The following LYPD6 variants were observed in gnomAD, a reference collection of about 807,000 sequenced individuals.
LYPD6 encodes LY6/PLAUR domain containing 6.
Under a neutral mutation model 22.7 loss-of-function variants are expected in LYPD6, and 15 were observed. That is an observed-to-expected ratio of 0.66 (90% CI 0.44 to 1.02). The LOEUF (loss-of-function observed/expected upper bound fraction) is 1.02. Ranked by LOEUF, LYPD6 falls within the 50% of genes least tolerant of loss-of-function variation. The pLI is 0.00. For synonymous variants in LYPD6, 72 were observed against 77.5 expected (o/e 0.93, Z 0.37); for missense variants, 189 against 208.4 (o/e 0.91, Z 0.57).
chr2:149,477,419 TC>T, downstream of LYPD6, among the ~76,000 whole-genome samples: 1 of 152,098 alleles, frequency 6.6e-6, no homozygotes, highest in East Asian at 1.9e-4. Context: ...GGTCAGGAGT[TC>T]GAGACCAGCC....
intron 1 of LYPD6, among the ~76,000 whole-genome samples, chr2:149,414,421 A>G (rs1157774714): frequency 2.0e-5 from 3 of 152,236 alleles, no homozygotes; most frequent in African/African-American, 7.2e-5. Context: ...CTAAAAAAAT[A>G]GTATTTTTAA....
At chr2:149,446,276 T>C (rs1683685354) in intron 2 of LYPD6, among the ~76,000 whole-genome samples, 1 of 152,210 alleles carries the variant, frequency 6.6e-6, no homozygotes. Flanking sequence ...TTTGACATAT[T>C]GCAAGCATTC....
rs566496103 is a variant in LYPD6 at position 149,384,583 on chromosome 2, T to C, written c.-71-53055T>C. Among the ~76,000 whole-genome samples, 44 of 152,306 alleles carry C rather than the reference T, an allele frequency of 2.9e-4. 2 individuals carry two copies. The South Asian group carries it at 9.1e-3, about 32-fold the overall frequency. On this transcript the variant is annotated intron_variant, in intron 1 of 4. Transcript: ENST00000334166. ...GCCTACCACAGAGGTGTGCTCGTGT[T>C]GGCACTATAGCTGTTAACAGTACCA...
intron 1 of LYPD6, among the ~76,000 whole-genome samples, chr2:149,341,817 G>A (rs1439741583): frequency 6.6e-6 from 1 of 152,094 alleles, no homozygotes; most frequent in Non-Finnish European, 1.5e-5. Flanking sequence ...CTTCTATAAG[G>A]CCCTAATCCC....
chr2:149,475,628 C>T (rs1681437759), downstream of LYPD6, among the ~76,000 whole-genome samples: 1 of 152,114 alleles, frequency 6.6e-6, no homozygotes, highest in Non-Finnish European at 1.5e-5. Context: ...AACTCCATTG[C>T]AATTGCTGGA....
intron 1 of LYPD6, among the ~76,000 whole-genome samples, chr2:149,355,367 T>G (rs892680625): frequency 6.6e-6 from 1 of 152,364 alleles, no homozygotes; most frequent in Non-Finnish European, 1.5e-5. Flanking sequence ...AGACATGGTC[T>G]TCAATTAATC....
At chr2:149,392,773 C>T (rs562620161) in intron 1 of LYPD6, among the ~76,000 whole-genome samples, 1 of 152,146 alleles carries the variant, frequency 6.6e-6, no homozygotes, top group Admixed American at 6.5e-5. Context: ...TGCCTGTGAT[C>T]CCAGCACTTT....
chr2:149,468,791 C>A lies in LYPD6; in HGVS notation c.348+16C>A. On this transcript the variant is annotated intron_variant, in intron 4 of 4. Coordinates refer to ENST00000334166, the MANE Select transcript of LYPD6 (RefSeq NM_194317.5). ...AGGCCACAAGGTCTGGGCAACAGAG[C>A]AAGTGACCAGTACTACATAGCCAGC... is the stretch of plus-strand genomic sequence containing the variant. 1.2e-6 allele frequency: 2 copies of A among 1,612,372 alleles called. No homozygotes were observed. Among genetic ancestry groups the A allele is most frequent in the African/African-American group, 1.3e-5 (1 of 74,970 alleles).
downstream of LYPD6, among the ~76,000 whole-genome samples, chr2:149,475,459 A>G (rs1268305433): frequency 1.3e-5 from 2 of 152,182 alleles, no homozygotes; most frequent in African/African-American, 2.4e-5. Context: ...AACATTTCTG[A>G]CATAATTTGG....
chr2:149,476,416 T>C (rs1681450652), downstream of LYPD6, among the ~76,000 whole-genome samples: 1 of 152,182 alleles, frequency 6.6e-6, no homozygotes, highest in Non-Finnish European at 1.5e-5. Flanking sequence ...TTATCAGTTA[T>C]TCAGAAGTAG....
At chr2:149,414,457 G>T (rs1682918797) in intron 1 of LYPD6, among the ~76,000 whole-genome samples, 1 of 152,126 alleles carries the variant, frequency 6.6e-6, no homozygotes, top group Admixed American at 6.5e-5. Flanking sequence ...TTGTTTGAAA[G>T]ATGGTACTAT....
chr2:149,340,924 C>T (rs1037380745), intron 1 of LYPD6, among the ~76,000 whole-genome samples: 3 of 151,876 alleles, frequency 2.0e-5, no homozygotes, highest in Non-Finnish European at 4.4e-5. Flanking sequence ...TTCTTTGACT[C>T]GCCATGTGGA....
rs761719154 is a variant in LYPD6, at chr2:149,449,100, A to G, written c.170A>G (p.Asp57Gly). 2 of 1,613,744 alleles carry G rather than the reference A, an allele frequency of 1.2e-6. No homozygotes were observed. The highest frequency in any genetic ancestry group is 1.7e-6 in the Non-Finnish European group (2 of 1,179,816). ...TGTTTCACCTGTGAAAAGGCAGCAG[A>G]CAATTATGAGTGCAACCGATGGGCT... ...FKCFTCEKAA[D>G]NYECNRWAPD... Residue 57 changes from aspartate to glycine, a missense_variant, in exon 3 of 5, where the codon GAC (aspartate) becomes GGC (glycine). Asp to Gly is a moderately conservative substitution (Grantham distance 94, BLOSUM62 -1). Coordinates refer to ENST00000334166, the MANE Select transcript of LYPD6 (RefSeq NM_194317.5).
intron 1 of LYPD6, among the ~76,000 whole-genome samples, chr2:149,336,585 G>A (rs1681038305): frequency 6.6e-6 from 1 of 152,108 alleles, no homozygotes; most frequent in African/African-American, 2.4e-5. Flanking sequence ...GGCTGAATAA[G>A]TTTATATAAA....
intron 3 of LYPD6, among the ~76,000 whole-genome samples, chr2:149,466,449 G>A (rs1029676949): frequency 1.3e-5 from 2 of 152,120 alleles, no homozygotes; most frequent in African/African-American, 4.8e-5. Context: ...ATTGGACTGG[G>A]TGAAGTACAA....
chr2:149,395,244 A>G (rs754878785), intron 1 of LYPD6, among the ~76,000 whole-genome samples: 1 of 152,120 alleles, frequency 6.6e-6, no homozygotes, highest in Non-Finnish European at 1.5e-5. Context: ...TTCATCAGTC[A>G]GTTCTGTTGT....
chr2:149,413,776 A>T (rs1196712002), intron 1 of LYPD6, among the ~76,000 whole-genome samples: 4 of 152,238 alleles, frequency 2.6e-5, no homozygotes, highest in African/African-American at 9.6e-5. Context: ...GCACAAGGAC[A>T]GTACCTGGCA....
chr2:149,412,330 T>C (rs753748583), intron 1 of LYPD6, among the ~76,000 whole-genome samples: 4 of 152,142 alleles, frequency 2.6e-5, no homozygotes, highest in Non-Finnish European at 5.9e-5. Flanking sequence ...AGGTTGAGCA[T>C]TTAAAAAAGA....
intron 1 of LYPD6, among the ~76,000 whole-genome samples, chr2:149,435,877 A>G (rs1683419581): frequency 6.6e-6 from 1 of 152,238 alleles, no homozygotes; most frequent in African/African-American, 2.4e-5. Context: ...TTGTCTAACA[A>G]TTTGCCAATT....
Sources: gnomAD v4.1 joint callset for allele counts (sites outside exome capture counted in the v4.1 genomes callset) on GRCh38, gnomAD v4.1.1 for gene constraint, MANE v1.5 for transcripts, NCBI Gene and HGNC (gene_info 2026-07-23, HGNC 2026-07-21) for gene names.